TNS3: variants seen among roughly 807,000 people sequenced by gnomAD.
The protein encoded by TNS3 is tensin-3.
TNS3 carries 45 observed loss-of-function variants against 140.9 expected under a neutral mutation model. The ratio of observed to expected loss-of-function variants is 0.32; its 90% CI spans 0.25 to 0.41. TNS3 has a LOEUF of 0.41. Ranked by LOEUF, TNS3 falls within the 10% of genes least tolerant of loss-of-function variation. The pLI is 1.00. For missense variants in TNS3, 1,716 were observed against 1,906.7 expected (o/e 0.90, Z 1.86); for synonymous variants, 815 against 788.4 (o/e 1.03, Z -0.56).
chr7:47,432,667 G>A (rs904402004), intron 8 of TNS3, among the ~76,000 whole-genome samples: 3 of 152,226 alleles, frequency 2.0e-5, no homozygotes, highest in African/African-American at 7.2e-5. Flanking sequence ...GCAAGGTCTT[G>A]TTTCAACCAT....
In TNS3 at chr7:47,276,967, G is replaced by T. The variant is rs1221444816; in HGVS notation, c.*1109C>A. On this transcript the variant is annotated 3_prime_UTR_variant, in exon 31 of 31. Transcript: ENST00000311160. ...AGATGATCGAAAAGCCCATGTGGGGGATGCTGAGCTTAAATCCAGGAGTTT... is the reference window on the plus strand; with the variant it reads ...AGATGATCGAAAAGCCCATGTGGGGTATGCTGAGCTTAAATCCAGGAGTTT... 1.3e-5 allele frequency: 2 copies of T among 152,230 alleles called. No homozygotes were observed. The highest frequency in any genetic ancestry group is 2.9e-5 in the Non-Finnish European group (2 of 68,048). The allele number at this position is 152,230 out of a possible 1,614,324, so 9.4% of individuals were successfully genotyped here.
chr7:47,300,169 T>C (rs905991962), intron 23 of TNS3, among the ~76,000 whole-genome samples: 1 of 152,148 alleles, frequency 6.6e-6, no homozygotes, highest in African/African-American at 2.4e-5. Flanking sequence ...AAAAGGCACA[T>C]CTGACAGTTA....
In TNS3 at chr7:47,389,154, A is replaced by AAGAAGAAGAAGAGGC. The variant is rs1340201271; in HGVS notation, c.1024+7645_1024+7646insGCCTCTTCTTCTTCT. On this transcript the variant is annotated intron_variant, in intron 16 of 30. Coordinates refer to ENST00000311160, the MANE Select transcript of TNS3 (RefSeq NM_022748.12). ...GAAGAAGAAGAAGAAGAAGAAGAAGAAGCAGAAGAAGCAGCAGAAGCAGAA... is the reference window on the plus strand; with the variant it reads ...GAAGAAGAAGAAGAAGAAGAAGAAGAAGAAGAAGAAGAGGCAGCAGAAGAAGCAGCAGAAGCAGAA... 5.7e-4 allele frequency among the ~76,000 whole-genome samples: 47 copies of AAGAAGAAGAAGAGGC among 82,294 alleles called. 14 individuals are homozygous for AAGAAGAAGAAGAGGC. The highest frequency in any genetic ancestry group is 1.9e-3 in the African/African-American group (45 of 23,746). 54.0% of individuals were successfully genotyped at this position (82,294 alleles called of 152,430 possible).
chr7:47,537,928 G>T (rs1367137417), intron 1 of TNS3, among the ~76,000 whole-genome samples: 1 of 151,976 alleles, frequency 6.6e-6, no homozygotes, highest in Non-Finnish European at 1.5e-5. Flanking sequence ...GGGCTGGGCT[G>T]CACCTCCCTA....
At chr7:47,411,692 A>T (rs1436409506) in intron 13 of TNS3, 35 bp downstream of exon 13, 1 of 1,586,354 alleles carries the variant, frequency 6.3e-7, no homozygotes, top group Non-Finnish European at 8.6e-7. Context: ...GAGAGTGGGG[A>T]CACCAACCCA....
rs1030362465 is a variant in TNS3, at chr7:47,283,886, C to T, written c.3929-21G>A. The T allele has an allele frequency of 8.4e-6, 13 of 1,551,354 alleles. 1 individual carries two copies. The highest frequency in any genetic ancestry group is 6.9e-5 in the East Asian group (3 of 43,248). On this transcript the variant is annotated intron_variant, in intron 27 of 30. Transcript: ENST00000311160. ...GCAGGCTGGAAGACACCAAGGGAGA[C>T]ACATGTTAGTTGCAACTATTGGGAC... is the stretch of plus-strand genomic sequence containing the variant.
chr7:47,532,054 G>A lies in TNS3; in HGVS notation c.-264-2907C>T, dbSNP rs532098551. Among the ~76,000 whole-genome samples the A allele has an allele frequency of 8.9e-5, 10 of 112,610 alleles. No individual in the cohort carries two copies. The South Asian group carries it at 1.7e-3, about 20-fold the overall frequency. The allele number at this position is 112,610 out of a possible 152,430, so 73.9% of individuals were successfully genotyped here. ...ATCTCTGCGGCCTGCACCCTCGGGCGCATGGGAAGCCCCCCCCCGCCCACC... is the reference window on the plus strand; with the variant it reads ...ATCTCTGCGGCCTGCACCCTCGGGCACATGGGAAGCCCCCCCCCGCCCACC... On this transcript the variant is annotated intron_variant, in intron 1 of 30. Coordinates refer to ENST00000311160, the MANE Select transcript of TNS3 (RefSeq NM_022748.12).
chr7:47,470,302 A>G (rs1796898559), intron 4 of TNS3: 1 of 375,642 alleles, frequency 2.7e-6, no homozygotes, highest in Non-Finnish European at 3.7e-6. Context: ...GGTAACAATC[A>G]TACACATGTA....
chr7:47,532,751 C>T, intron 1 of TNS3, among the ~76,000 whole-genome samples: 1 of 152,074 alleles, frequency 6.6e-6, no homozygotes, highest in Non-Finnish European at 1.5e-5. Flanking sequence ...AAATTGGACA[C>T]CCCAAAGATC....
At position 47,303,310 on chromosome 7, in the gene TNS3, G is replaced by A; in HGVS notation, c.3097C>T (p.Pro1033Ser). 1 of 1,613,474 alleles carries A rather than the reference G, an allele frequency of 6.2e-7. No individual in the cohort carries two copies. Among genetic ancestry groups the A allele is most frequent in the Non-Finnish European group, 8.5e-7 (1 of 1,179,820 alleles). The change falls in exon 22 of 31, where the codon CCC (proline) becomes TCC (serine). Residue 1033 changes from proline (P) to serine (S), a missense_variant. Physicochemically the swap from Pro to Ser is moderately conservative, Grantham distance 74. Around this residue, in one of 3 missense-constraint regions of TNS3, gnomAD observed 1,163 missense variants for 1,182.1 expected, o/e 0.98. Transcript: ENST00000311160. Reference sequence around the variant, plus strand: ...AGCAAGGCCCCCAGGTCCTCCTCGGGCGGAAGGCCACTTCCCACTGGGGCG... The same window carrying A: ...AGCAAGGCCCCCAGGTCCTCCTCGGACGGAAGGCCACTTCCCACTGGGGCG... ...GTAPVGSGLP[P>S]EEDLGALLAN...
At chr7:47,346,115 T>C in intron 18 of TNS3, 72 bp downstream of exon 18, 1 of 1,573,014 alleles carries the variant, frequency 6.4e-7, no homozygotes, top group Non-Finnish European at 8.7e-7. Context: ...TCATTGCCCA[T>C]TCACTCGGGG....
rs1340201271 is a variant in TNS3 at position 47,389,154 on chromosome 7, A to AAGAAGC, written c.1024+7645_1024+7646insGCTTCT. ...GAAGAAGAAGAAGAAGAAGAAGAAG[A>AAGAAGC]AGCAGAAGAAGCAGCAGAAGCAGAA... On this transcript the variant is annotated intron_variant, in intron 16 of 30. Coordinates refer to ENST00000311160, the MANE Select transcript of TNS3 (RefSeq NM_022748.12). 4.3e-4 allele frequency among the ~76,000 whole-genome samples: 35 copies of AAGAAGC among 82,294 alleles called. 12 individuals carry two copies. Among genetic ancestry groups the AAGAAGC allele is most frequent in the East Asian group, 2.9e-3 (8 of 2,776 alleles). The allele number at this position is 82,294 out of a possible 152,430, so 54.0% of individuals were successfully genotyped here.
At chr7:47,355,761 A>T (rs1417346499) in intron 17 of TNS3, among the ~76,000 whole-genome samples, 1 of 152,204 alleles carries the variant, frequency 6.6e-6, no homozygotes, top group African/African-American at 2.4e-5. Flanking sequence ...GTCAGTACTT[A>T]TGTTGACCCT....
At chr7:47,320,397 C>A (rs1301545465) in intron 20 of TNS3, among the ~76,000 whole-genome samples, 1 of 152,226 alleles carries the variant, frequency 6.6e-6, no homozygotes, top group African/African-American at 2.4e-5. Context: ...TAAGAGGAAT[C>A]CTGGTATTCC....
At chr7:47,426,257 C>T (rs1440649023) in intron 9 of TNS3, among the ~76,000 whole-genome samples, 3 of 152,056 alleles carry the variant, frequency 2.0e-5, no homozygotes, top group Non-Finnish European at 4.4e-5. Flanking sequence ...ACTCCAGCCC[C>T]GGCAACAGAG....
chr7:47,411,927 G>T, intron 12 of TNS3, 125 bp from the exon 13 acceptor site: 1 of 859,756 alleles, frequency 1.2e-6, no homozygotes, highest in Non-Finnish European at 1.8e-6. Context: ...AATCAGCCCA[G>T]AATCTAATTC....
chr7:47,481,238 C>T (rs1336758592), intron 3 of TNS3, 97 bp from the exon 4 acceptor site: 1 of 908,352 alleles, frequency 1.1e-6, no homozygotes, highest in African/African-American at 1.7e-5. Flanking sequence ...ATGAAACTGT[C>T]TCTAACCTCA....
chr7:47,376,238 A>G (rs1447912401), intron 16 of TNS3, among the ~76,000 whole-genome samples: 1 of 152,240 alleles, frequency 6.6e-6, no homozygotes, highest in Non-Finnish European at 1.5e-5. Flanking sequence ...TGGTGGGCAC[A>G]TTTCACGGCA....
At chr7:47,354,703 C>A (rs1397546583) in intron 17 of TNS3, among the ~76,000 whole-genome samples, 2 of 152,170 alleles carry the variant, frequency 1.3e-5, no homozygotes, top group Non-Finnish European at 1.5e-5. Flanking sequence ...TGAACACAGA[C>A]CCCGGTGATC....
Sources: gnomAD v4.1 joint callset for allele counts (sites outside exome capture counted in the v4.1 genomes callset) on GRCh38, gnomAD v4.1.1 for gene constraint, gnomAD v4.1.1 regional missense constraint, MANE v1.5 for transcripts, NCBI Gene and HGNC (gene_info 2026-07-23, HGNC 2026-07-21) for gene names.